POLD3: variants seen among roughly 807,000 people sequenced by gnomAD.
The protein encoded by POLD3 is DNA polymerase delta subunit 3.
Under a neutral mutation model 58.2 loss-of-function variants are expected in POLD3, and 19 were observed. That is an observed-to-expected ratio of 0.33 (90% confidence interval 0.23 to 0.48). POLD3 has a LOEUF of 0.48. Among genes scored for constraint, POLD3 ranks in the 20% least tolerant of loss-of-function variants. The pLI is 0.99. For missense variants in POLD3, 504 were observed against 545.5 expected, an observed-to-expected ratio of 0.92 and a Z score of 0.76; for synonymous variants, 172 against 193.5, an observed-to-expected ratio of 0.89 and a Z score of 0.92.
At chr11:74,659,063 G>A (rs560861580) in intron 4 of POLD3, among the ~76,000 whole-genome samples, 4 of 152,338 alleles carry the variant, frequency 2.6e-5, no homozygotes, top group Non-Finnish European at 4.4e-5. Context: ...GCAAACTTTT[G>A]TCTGGGCATC....
chr11:74,604,833 T>G, intron 3 of POLD3, 39 bp downstream of exon 3: 1 of 1,095,064 alleles, frequency 9.1e-7, no homozygotes, highest in South Asian at 1.2e-5. Context: ...TAAATGTGTT[T>G]GTGTTATGAA....
chr11:74,653,287 CAG>C (rs1319386509), intron 4 of POLD3, among the ~76,000 whole-genome samples: 3 of 144,618 alleles, frequency 2.1e-5, no homozygotes, highest in Non-Finnish European at 4.5e-5. Flanking sequence ...CATTTAGAAA[CAG>C]AATAAAGTTG....
At position 74,625,472 on chromosome 11, in the gene POLD3, T is replaced by C. The variant is rs369065360; in HGVS notation, c.798T>C (p.Pro266=). ...AVKEEKIVEQ[P]TVSVTEPKLA... is the part of the protein sequence containing the mutation. ...AAGAAGAAAAAATAGTGGAGCAGCC[T>C]ACAGTGTCTGTCACGGAACCAAAGC... is the stretch of plus-strand genomic sequence containing the variant. Residue 266 remains proline (P), a synonymous_variant, in exon 8 of 12, where the codon CCT becomes CCC. Transcript: ENST00000263681. 8.7e-6 allele frequency: 14 copies of C among 1,613,512 alleles called. No individual in the cohort carries two copies. The African/African-American group carries it at 1.3e-4, about 15-fold the overall frequency.
chr11:74,612,329 T>C (rs2031941720), intron 4 of POLD3, among the ~76,000 whole-genome samples: 1 of 152,226 alleles, frequency 6.6e-6, no homozygotes, highest in African/African-American at 2.4e-5. Flanking sequence ...ATCTACTATG[T>C]GCCAAGCTCT....
At chr11:74,629,145 C>A in intron 8 of POLD3, 72 bp from the exon 9 acceptor site, 1 of 867,836 alleles carries the variant, frequency 1.2e-6, no homozygotes, top group South Asian at 1.7e-5. Context: ...TAAAGCAAAA[C>A]CCATAAGAGC....
chr11:74,605,945 A>G (rs2031660255), intron 3 of POLD3, among the ~76,000 whole-genome samples: 1 of 152,166 alleles, frequency 6.6e-6, no homozygotes, highest in Non-Finnish European at 1.5e-5. Context: ...TTAGCCAGGC[A>G]TGGTGGCATG....
At chr11:74,599,931 A>C (rs998881025) in intron 2 of POLD3, among the ~76,000 whole-genome samples, 1 of 151,484 alleles carries the variant, frequency 6.6e-6, no homozygotes, top group Non-Finnish European at 1.5e-5. Context: ...TCTTGTAAGA[A>C]GTCATATATG....
At chr11:74,607,034 C>T (rs1358108343) in intron 3 of POLD3, among the ~76,000 whole-genome samples, 1 of 152,030 alleles carries the variant, frequency 6.6e-6, no homozygotes, top group Non-Finnish European at 1.5e-5. Context: ...CTGTGGAACC[C>T]TGTAGAACGA....
At chr11:74,629,125 C>A in intron 8 of POLD3, 92 bp from the exon 9 acceptor site, 1 of 727,508 alleles carries the variant, frequency 1.4e-6, no homozygotes. Flanking sequence ...GGAATTAAGA[C>A]CACGAGTTAT....
At chr11:74,654,411 T>A (rs9651760) in intron 4 of POLD3, among the ~76,000 whole-genome samples, 3 of 152,090 alleles carry the variant, frequency 2.0e-5, no homozygotes, top group Non-Finnish European at 4.4e-5. Context: ...ACAATAACAT[T>A]AAATAAAACA....
chr11:74,664,147 G>A (rs1356964383), intron 4 of POLD3, among the ~76,000 whole-genome samples: 1 of 152,316 alleles, frequency 6.6e-6, no homozygotes, highest in Non-Finnish European at 1.5e-5. Context: ...TAAGTGGTAA[G>A]ATTGTAGAAT....
intron 5 of POLD3, among the ~76,000 whole-genome samples, chr11:74,617,720 GATTT>G (rs1211096044): frequency 3.3e-5 from 5 of 151,994 alleles, no homozygotes; most frequent in Admixed American, 3.3e-4. Flanking sequence ...TTTAAAGCAT[GATTT>G]ATTTATTTAT....
At chr11:74,667,780 A>G (rs1276037577) in intron 4 of POLD3, among the ~76,000 whole-genome samples, 1 of 152,202 alleles carries the variant, frequency 6.6e-6, no homozygotes, top group Admixed American at 6.5e-5. Context: ...ACGAAAAGAC[A>G]ACCCACAGAA....
At chr11:74,629,384 C>A in intron 9 of POLD3, 61 bp downstream of exon 9, 1 of 885,424 alleles carries the variant, frequency 1.1e-6, no homozygotes, top group Non-Finnish European at 1.8e-6. Flanking sequence ...GTTCAAGGAG[C>A]TAAAAAAGTA....
chr11:74,666,223 AC>A (rs2033266616), intron 4 of POLD3, among the ~76,000 whole-genome samples: 2 of 152,252 alleles, frequency 1.3e-5, no homozygotes, highest in Non-Finnish European at 2.9e-5. Flanking sequence ...TCTGAAATCT[AC>A]AAAGCATTGT....
downstream of POLD3, among the ~76,000 whole-genome samples, chr11:74,643,625 G>A (rs1314520609): frequency 6.6e-6 from 1 of 152,204 alleles, no homozygotes; most frequent in Non-Finnish European, 1.5e-5. Context: ...AGGCAGAGGA[G>A]CATGGCTTTT....
intron 7 of POLD3, among the ~76,000 whole-genome samples, chr11:74,623,384 G>C (rs985610339): frequency 1.3e-5 from 2 of 152,138 alleles, no homozygotes; most frequent in South Asian, 4.1e-4. Flanking sequence ...GCAGTGAGCC[G>C]AGATCACGCC....
intron 2 of POLD3, among the ~76,000 whole-genome samples, chr11:74,596,242 G>T (rs982720971): frequency 1.3e-5 from 2 of 149,528 alleles, no homozygotes; most frequent in Non-Finnish European, 3.0e-5. Context: ...GGAGTCCAAC[G>T]GCGTGATCTC....
At chr11:74,620,938 T>C (rs4145955) in intron 7 of POLD3, among the ~76,000 whole-genome samples, 1 of 146,784 alleles carries the variant, frequency 6.8e-6, no homozygotes, top group African/African-American at 2.6e-5. Flanking sequence ...TTTTTTTTTT[T>C]CATATTCTGC....
Sources: allele counts gnomAD v4.1 joint callset (sites outside exome capture counted in the v4.1 genomes callset), GRCh38; gene constraint gnomAD v4.1.1; transcripts MANE v1.5; gene names NCBI Gene and HGNC (gene_info 2026-07-23, HGNC 2026-07-21).